SLC43A2: variants seen among roughly 807,000 people sequenced by gnomAD.
The protein encoded by SLC43A2 is large neutral amino acids transporter small subunit 4.
In SLC43A2, 38 loss-of-function variants were observed where a neutral mutation model predicts 63.2. That is an observed-to-expected ratio of 0.60 (90% CI 0.46 to 0.79). SLC43A2 has a LOEUF of 0.79. Ranked by LOEUF, SLC43A2 falls within the 30% of genes least tolerant of loss-of-function variation. The probability of loss-of-function intolerance (pLI) is 0.00; values close to 1 mark genes in which losing one functional copy is unlikely to be tolerated. For synonymous variants in SLC43A2, 322 were observed against 331.0 expected, an observed-to-expected ratio of 0.97 and a Z score of 0.30; for missense variants, 644 against 756.2, an observed-to-expected ratio of 0.85 and a Z score of 1.74.
At chr17:1,601,837 G>A (rs933729176) in intron 5 of SLC43A2, among the ~76,000 whole-genome samples, 1 of 139,286 alleles carries the variant, frequency 7.2e-6, no homozygotes, top group African/African-American at 2.8e-5. Context: ...AGCCACTATT[G>A]AGCCAGAGTC....
At position 1,578,198 on chromosome 17, in the gene SLC43A2, G is replaced by A. The variant is rs556497603; in HGVS notation, c.1424+52C>T. On this transcript the variant is annotated intron_variant, in intron 12 of 13. Coordinates refer to ENST00000301335, the MANE Select transcript of SLC43A2 (RefSeq NM_152346.3). This position sits in a 1 kb window ranked among gnomAD's most constrained non-coding sequence, Gnocchi z 6.5. ...TCAGTCCCACCAGCAACCTCCCCCCGGCCATTCCCACACCCTCGCCCACCA... is the reference window on the plus strand; with the variant it reads ...TCAGTCCCACCAGCAACCTCCCCCCAGCCATTCCCACACCCTCGCCCACCA... 83 of 1,572,630 alleles carry A rather than the reference G, an allele frequency of 5.3e-5. 1 individual carries two copies. In the East Asian group the frequency reaches 1.5e-3, roughly 29 times the overall value.
intron 2 of SLC43A2, among the ~76,000 whole-genome samples, chr17:1,624,667 G>C (rs1443154650): frequency 6.6e-6 from 1 of 152,286 alleles, no homozygotes; most frequent in East Asian, 1.9e-4. Flanking sequence ...GAGGCAGGAG[G>C]ATCGCTTGAG....
In SLC43A2 at chr17:1,590,677, C is replaced by T. The variant is rs528559475; in HGVS notation, c.1078+125G>A. On this transcript the variant is annotated intron_variant, in intron 9 of 13. Transcript: ENST00000301335. ...TGCAATAGCTCTGACGGGCAGACAG[C>T]TCCTGGGATGCGGCCTTTCCATGGC... 28 of 1,234,190 alleles carry T rather than the reference C, an allele frequency of 2.3e-5. No individual in the cohort carries two copies. The Admixed American group carries it at 3.6e-4, about 16-fold the overall frequency. The allele number at this position is 1,234,190 out of a possible 1,614,324, so 76.5% of individuals were successfully genotyped here.
chr17:1,615,037 A>C lies in SLC43A2; in HGVS notation c.369-3T>G. 6.2e-7 allele frequency: 1 copy of C among 1,613,954 alleles called. No homozygotes were observed. On this transcript the variant is annotated splice_polypyrimidine_tract_variant and splice_region_variant and intron_variant, in intron 3 of 13. Transcript: ENST00000301335. ...AGCAGGAAACCGCGAAGCAGGCGCT[A>C]AAACCAAGCAGAAACGCAATGTTAT...
At position 1,595,079 on chromosome 17, in the gene SLC43A2, G is replaced by A. The variant is rs187757426; in HGVS notation, c.502-1800C>T. ...GCAGATCACCTGAGGTCAGGAATTC[G>A]AGATCAGCCTGGCAAACATGGCGAA... On this transcript the variant is annotated intron_variant, in intron 5 of 13. Transcript: ENST00000301335. Among the ~76,000 whole-genome samples, 318 of 151,880 alleles carry A rather than the reference G, an allele frequency of 2.1e-3. 1 individual carries two copies. The highest frequency in any genetic ancestry group is 7.5e-3 in the African/African-American group (309 of 41,366).
intron 9 of SLC43A2, chr17:1,586,929 C>CCCCCCCCCCCCCCCAA: frequency 1.5e-6 from 1 of 657,348 alleles, no homozygotes; most frequent in Non-Finnish European, 2.5e-6. Context: ...CCCTGACAAT[C>CCCCCCCCCCCCCCCAA]CCCCCCACCC....
In SLC43A2 at chr17:1,591,723, G is replaced by GT. The variant is rs754016874; in HGVS notation, c.595-25dup. ...AGCTGACAGGCACCGCGGGGACGGG[G>GT]TGGGGGGGGGAGGGGGCAGAGTTAG... is the stretch of plus-strand genomic sequence containing the variant. On this transcript the variant is annotated intron_variant, in intron 6 of 13. Transcript: ENST00000301335. 1.5e-5 allele frequency: 17 copies of GT among 1,105,340 alleles called. 1 individual carries two copies. The East Asian group carries it at 2.7e-4, about 18-fold the overall frequency. The allele number at this position is 1,105,340 out of a possible 1,614,324, so 68.5% of individuals were successfully genotyped here.
In SLC43A2 at chr17:1,606,230, G is replaced by GGGT. The variant is rs1177482701; in HGVS notation, c.501+6962_501+6964dup. 8.5e-5 allele frequency among the ~76,000 whole-genome samples: 13 copies of GGGT among 152,258 alleles called. No homozygotes were observed. Among genetic ancestry groups the GGGT allele is most frequent in the Non-Finnish European group, 1.6e-4 (11 of 68,018 alleles). Reference sequence around the variant, plus strand: ...GGACCCTCTCCTGGCTGCAGACGCGGGGTCTACTGAGCCACGGCACTAAAC... The same window carrying GGGT: ...GGACCCTCTCCTGGCTGCAGACGCGGGGTGGTCTACTGAGCCACGGCACTAAAC... On this transcript the variant is annotated intron_variant, in intron 5 of 13. Coordinates refer to ENST00000301335, the MANE Select transcript of SLC43A2 (RefSeq NM_152346.3). The surrounding 1 kb of genome is among the most constrained non-coding windows in gnomAD (Gnocchi z 4.7).
At chr17:1,589,927 C>T (rs1389194099) in intron 9 of SLC43A2, among the ~76,000 whole-genome samples, 1 of 152,154 alleles carries the variant, frequency 6.6e-6, no homozygotes, top group African/African-American at 2.4e-5. Context: ...CCTAGACTAC[C>T]ATTTTCACAG....
In SLC43A2 at chr17:1,606,236, A is replaced by G. The variant is rs1473593833; in HGVS notation, c.501+6959T>C. Among the ~76,000 whole-genome samples, 1 of 152,116 alleles carries G rather than the reference A, an allele frequency of 6.6e-6. No homozygotes were observed. The highest frequency in any genetic ancestry group is 1.5e-5 in the Non-Finnish European group (1 of 68,016). On this transcript the variant is annotated intron_variant, in intron 5 of 13. Coordinates refer to ENST00000301335, the MANE Select transcript of SLC43A2 (RefSeq NM_152346.3). This position sits in a 1 kb window ranked among gnomAD's most constrained non-coding sequence, Gnocchi z 4.7. Reference sequence around the variant, plus strand: ...TCTCCTGGCTGCAGACGCGGGGTCTACTGAGCCACGGCACTAAACTCCTGT... The same window carrying G: ...TCTCCTGGCTGCAGACGCGGGGTCTGCTGAGCCACGGCACTAAACTCCTGT...
intron 4 of SLC43A2, among the ~76,000 whole-genome samples, chr17:1,613,521 T>C (rs1473836319): frequency 2.0e-5 from 3 of 152,178 alleles, no homozygotes; most frequent in Non-Finnish European, 4.4e-5. Flanking sequence ...GGCACGATCC[T>C]GGCTCACTGC....
At chr17:1,617,520 A>C (rs1218182290) in intron 2 of SLC43A2, among the ~76,000 whole-genome samples, 1 of 151,902 alleles carries the variant, frequency 6.6e-6, no homozygotes, top group Non-Finnish European at 1.5e-5. Context: ...CCTCCCGAGT[A>C]GCTGGGATTA....
chr17:1,587,401 A>G (rs1423468001), intron 9 of SLC43A2, among the ~76,000 whole-genome samples: 1 of 152,224 alleles, frequency 6.6e-6, no homozygotes, highest in African/African-American at 2.4e-5. Context: ...GGAAAGGTCA[A>G]AGAACCTGCC....
chr17:1,616,348 G>A (rs985702330), intron 3 of SLC43A2: 12 of 565,720 alleles, frequency 2.1e-5, no homozygotes, highest in Non-Finnish European at 3.4e-5. Flanking sequence ...GCGGCCTGGA[G>A]CCTGGAGCTT....
rs558419201 is a variant in SLC43A2 at position 1,591,835 on chromosome 17, G to A, written c.595-136C>T. 4.6e-4 allele frequency: 316 copies of A among 688,490 alleles called. 6 individuals are homozygous for A. In the South Asian group the frequency reaches 5.8e-3, roughly 13 times the overall value. 42.6% of individuals were successfully genotyped at this position (688,490 alleles called of 1,614,324 possible). ...GAGCCGCGCAAAGAGGCACAGCCCT[G>A]CCAGCCTGGGCGTTGGGGCATCAGG... On this transcript the variant is annotated intron_variant, in intron 6 of 13. Transcript: ENST00000301335.
intron 5 of SLC43A2, chr17:1,604,948 GGCTGAGCGCTGA>G: frequency 6.6e-7 from 1 of 1,508,836 alleles, no homozygotes; most frequent in African/African-American, 1.4e-5. Flanking sequence ...CCGGAGTGAG[GGCTGAGCGCTGA>G]GCAGAGCGCC....
intron 13 of SLC43A2, among the ~76,000 whole-genome samples, chr17:1,575,984 T>C (rs1428819194): frequency 6.6e-6 from 1 of 151,942 alleles, no homozygotes. Context: ...AAACACGGGC[T>C]GATCTGAACC....
chr17:1,574,549 C>G lies in SLC43A2; in HGVS notation c.*1055G>C, dbSNP rs983283011. 1 of 152,494 alleles carries G rather than the reference C, an allele frequency of 6.6e-6. No individual in the cohort carries two copies. The highest frequency in any genetic ancestry group is 1.5e-5 in the Non-Finnish European group (1 of 68,056). The allele number at this position is 152,494 out of a possible 1,614,324, so 9.4% of individuals were successfully genotyped here. A position where few individuals can be genotyped will look rare whatever the true frequency, so the allele number is the denominator to read the frequency against. On this transcript the variant is annotated 3_prime_UTR_variant, in exon 14 of 14. Transcript: ENST00000301335. ...CACTTCTGGGGGCAGTCAAGGTGGGCGGGTTGGTGGGCCAGGCGGACGGGC... is the reference window on the plus strand; with the variant it reads ...CACTTCTGGGGGCAGTCAAGGTGGGGGGGTTGGTGGGCCAGGCGGACGGGC...
intron 2 of SLC43A2, among the ~76,000 whole-genome samples, chr17:1,625,042 C>A (rs1237715472): frequency 6.6e-6 from 1 of 152,196 alleles, no homozygotes; most frequent in Non-Finnish European, 1.5e-5. Context: ...CAAGAGGACA[C>A]AGCTCCAGGA....
Sources: gnomAD v4.1 joint callset for allele counts (sites outside exome capture counted in the v4.1 genomes callset) on GRCh38, gnomAD v4.1.1 for gene constraint, Gnocchi (gnomAD v3.1) non-coding constraint, MANE v1.5 for transcripts, NCBI Gene and HGNC (gene_info 2026-07-23, HGNC 2026-07-21) for gene names.